NTN1: variants seen among roughly 807,000 people sequenced by gnomAD.
NTN1 encodes the protein netrin 1, also known as netrin-1.
Under a neutral mutation model 54.2 loss-of-function variants are expected in NTN1, and 11 were observed. That is an observed-to-expected ratio of 0.20 (90% CI 0.13 to 0.34). The LOEUF is 0.34. NTN1 is among the 10% of genes least tolerant of loss of function. The pLI, the probability that NTN1 is intolerant of heterozygous loss-of-function variation, is 1.00. For synonymous variants in NTN1, 371 were observed against 382.0 expected (o/e 0.97, Z 0.33); for missense variants, 740 against 893.1 (o/e 0.83, Z 2.18).
At chr17:9,015,749 C>T in the NTN1 span, among the ~76,000 whole-genome samples, 1 of 152,028 alleles carries the variant, frequency 6.6e-6, no homozygotes, top group African/African-American at 2.4e-5. Flanking sequence ...ATGCTCCTTC[C>T]CTCTTCATTA....
chr17:9,075,520 TA>T (rs879401433), intron 2 of NTN1, among the ~76,000 whole-genome samples: 12 of 151,820 alleles, frequency 7.9e-5, no homozygotes, highest in East Asian at 3.9e-4. Flanking sequence ...AAAAAATAAA[TA>T]AAAAAAACTT....
At chr17:9,026,839 A>T (rs915980377) in intron 2 of NTN1, among the ~76,000 whole-genome samples, 1 of 152,012 alleles carries the variant, frequency 6.6e-6, no homozygotes, top group African/African-American at 2.4e-5. Context: ...CTGGCTTGTG[A>T]CAGGTCGAGC....
intron 5 of NTN1, among the ~76,000 whole-genome samples, chr17:9,220,917 T>G (rs1597545082): frequency 2.7e-5 from 2 of 73,294 alleles, no homozygotes; most frequent in Admixed American, 1.8e-4. Flanking sequence ...GAGGCCAGGG[T>G]GGTTGCAGGC....
chr17:9,108,265 A>G (rs532216198), intron 2 of NTN1, among the ~76,000 whole-genome samples: 3 of 152,312 alleles, frequency 2.0e-5, no homozygotes, highest in South Asian at 2.1e-4. Flanking sequence ...TGCTACAATC[A>G]GGAAGTTACA....
intron 4 of NTN1, among the ~76,000 whole-genome samples, chr17:9,182,616 TG>T (rs1347995964): frequency 1.3e-5 from 2 of 152,186 alleles, no homozygotes; most frequent in African/African-American, 4.8e-5. Flanking sequence ...AGGGTGGAGC[TG>T]AGTTGACGCC....
intron 3 of NTN1, among the ~76,000 whole-genome samples, chr17:9,170,701 C>T (rs2092384995): frequency 6.6e-6 from 1 of 152,154 alleles, no homozygotes; most frequent in South Asian, 2.1e-4. Flanking sequence ...CAAGGAAGAC[C>T]AGGCAGCATC....
chr17:9,200,203 C>T (rs1027851935), intron 5 of NTN1, among the ~76,000 whole-genome samples: 3 of 152,228 alleles, frequency 2.0e-5, no homozygotes, highest in Non-Finnish European at 2.9e-5. Flanking sequence ...ACTGTTGGCT[C>T]TCGCTGGAGA....
chr17:9,072,331 G>T (rs1447848594), intron 2 of NTN1, among the ~76,000 whole-genome samples: 1 of 150,466 alleles, frequency 6.6e-6, no homozygotes, highest in Admixed American at 6.6e-5. Context: ...ATTCCTCCCT[G>T]GCTCCAGCTA....
the NTN1 span, among the ~76,000 whole-genome samples, chr17:9,007,402 CTT>C: frequency 1.4e-5 from 2 of 142,976 alleles, no homozygotes; most frequent in Non-Finnish European, 3.0e-5. Context: ...CTCTTTCTCT[CTT>C]CTTTTCTTCT....
chr17:9,048,485 T>TA (rs1394388938), intron 2 of NTN1, among the ~76,000 whole-genome samples: 1 of 152,110 alleles, frequency 6.6e-6, no homozygotes, highest in Non-Finnish European at 1.5e-5. Context: ...TTCAGAATAG[T>TA]AAATGAGCAT....
intron 6 of NTN1, among the ~76,000 whole-genome samples, chr17:9,227,725 A>C (rs1041769656): frequency 4.0e-5 from 6 of 151,570 alleles, no homozygotes; most frequent in African/African-American, 1.5e-4. Context: ...CACACCACAC[A>C]CATCAGATAC....
chr17:9,237,724 G>T (rs1389132895), intron 6 of NTN1, among the ~76,000 whole-genome samples: 2 of 152,196 alleles, frequency 1.3e-5, no homozygotes, highest in Non-Finnish European at 2.9e-5. Context: ...AGGAAAGCGG[G>T]GCTCTCAGGG....
intron 5 of NTN1, among the ~76,000 whole-genome samples, chr17:9,205,661 G>A (rs35276234): frequency 0.025 from 3,765 of 152,252 alleles, 81 homozygotes; most frequent in South Asian, 0.045. Flanking sequence ...GCATTGCGAT[G>A]GGGGGAGGTT....
intron 3 of NTN1, among the ~76,000 whole-genome samples, chr17:9,164,622 G>T (rs1294724017): frequency 1.3e-5 from 2 of 152,092 alleles, no homozygotes; most frequent in African/African-American, 4.8e-5. Context: ...AAATAAACAG[G>T]TTCCCAATCT....
chr17:9,114,491 C>T (rs1442293966), intron 2 of NTN1, among the ~76,000 whole-genome samples: 2 of 151,052 alleles, frequency 1.3e-5, no homozygotes, highest in Non-Finnish European at 2.9e-5. Context: ...CTGTGGCTCA[C>T]ACCTGTAATC....
At chr17:9,103,017 G>T (rs1009708767) in intron 2 of NTN1, among the ~76,000 whole-genome samples, 1 of 152,162 alleles carries the variant, frequency 6.6e-6, no homozygotes, top group East Asian at 1.9e-4. Context: ...TGGTGAGTGT[G>T]GGGGGATAGT....
intron 2 of NTN1, among the ~76,000 whole-genome samples, chr17:9,072,167 G>T (rs1262658124): frequency 6.6e-6 from 1 of 152,028 alleles, no homozygotes; most frequent in East Asian, 1.9e-4. Flanking sequence ...TTTCCTGGGG[G>T]TCTTCATGAG....
chr17:9,129,159 G>A (rs1232576613), intron 2 of NTN1, among the ~76,000 whole-genome samples: 1 of 152,168 alleles, frequency 6.6e-6, no homozygotes, highest in Admixed American at 6.5e-5. Context: ...ACTCAGACCT[G>A]AGGAAATTGA....
intron 6 of NTN1, among the ~76,000 whole-genome samples, chr17:9,229,763 G>A (rs3785998): frequency 0.26 from 40,201 of 152,006 alleles, 5,436 homozygotes; most frequent in East Asian, 0.48. Flanking sequence ...ATTGGTGATG[G>A]GCATGGCTGT....
Sources: gnomAD v4.1 joint callset for allele counts (sites outside exome capture counted in the v4.1 genomes callset) on GRCh38, gnomAD v4.1.1 for gene constraint, MANE v1.5 for transcripts, NCBI Gene and HGNC (gene_info 2026-07-23, HGNC 2026-07-21) for gene names.